The following RASA1 variants were observed in gnomAD, a reference collection of about 807,000 sequenced individuals.
RASA1 encodes the protein ras GTPase-activating protein 1.
RASA1 carries 25 observed loss-of-function variants against 132.2 expected under a neutral mutation model. The ratio of observed to expected loss-of-function variants is 0.19; its 90% CI spans 0.14 to 0.26. The LOEUF (loss-of-function observed/expected upper bound fraction) is 0.26. Among genes scored for constraint, RASA1 ranks in the 10% least tolerant of loss-of-function variants. The probability of loss-of-function intolerance (pLI) is 1.00; values close to 1 mark genes in which losing one functional copy is unlikely to be tolerated. For missense variants in RASA1, 964 were observed against 1,299.2 expected, an observed-to-expected ratio of 0.74 and a Z score of 3.97; for synonymous variants, 477 against 449.9, an observed-to-expected ratio of 1.06 and a Z score of -0.76.
chr5:87,331,230 T>C (rs1482011771), intron 1 of RASA1, 118 bp from the exon 2 acceptor site: 3 of 1,139,318 alleles, frequency 2.6e-6, no homozygotes, highest in Non-Finnish European at 4.0e-6. Context: ...CAGAGTAAAA[T>C]GTAAATGTTT....
chr5:87,352,150 C>T (rs993680655), intron 8 of RASA1, among the ~76,000 whole-genome samples: 2 of 151,372 alleles, frequency 1.3e-5, no homozygotes, highest in African/African-American at 4.8e-5. Context: ...TTCACCACAC[C>T]CCTCTGTGGC....
rs1290944036 is a variant in RASA1, at chr5:87,354,744, C to G, written c.1332+1509C>G. Among the ~76,000 whole-genome samples the G allele has an allele frequency of 2.0e-5, 3 of 152,260 alleles. No homozygotes were observed. In the East Asian group the frequency reaches 5.8e-4, roughly 29 times the overall value. ...AGCCAAAATAGGCTGAAAGCTAGGT[C>G]TCTTGCACCAAACAGCAAAGTTGTG... On this transcript the variant is annotated intron_variant, in intron 9 of 24. Transcript: ENST00000274376.
rs1243923080 is a variant in RASA1 at position 87,298,774 on chromosome 5, G to A, written c.539+29784G>A. On this transcript the variant is annotated intron_variant, in intron 1 of 24. Coordinates refer to ENST00000274376, the MANE Select transcript of RASA1 (RefSeq NM_002890.3). Reference sequence around the variant, plus strand: ...CTGATGTATTTAATCAAAACCTAGAGAATTGAGATAGACATTGTATCAGAA... The same window carrying A: ...CTGATGTATTTAATCAAAACCTAGAAAATTGAGATAGACATTGTATCAGAA... Among the ~76,000 whole-genome samples, 3 of 152,146 alleles carry A rather than the reference G, an allele frequency of 2.0e-5. No individual in the cohort carries two copies. The East Asian group carries it at 5.8e-4, about 29-fold the overall frequency.
intron 1 of RASA1, 130 bp downstream of exon 1, chr5:87,269,120 C>T: frequency 6.2e-7 from 1 of 1,613,580 alleles, no homozygotes; most frequent in Non-Finnish European, 8.5e-7. Context: ...TTTCAGGTTT[C>T]TTGGGTAGGA....
chr5:87,322,500 G>A lies in RASA1; in HGVS notation c.540-8848G>A, dbSNP rs530227444. Among the ~76,000 whole-genome samples the A allele has an allele frequency of 1.6e-3, 244 of 152,232 alleles. 1 individual carries two copies. Among genetic ancestry groups the A allele is most frequent in the Middle Eastern group, 6.8e-3 (2 of 294 alleles). ...ACTAAATCAGTCAGTCCCTGGTGCC[G>A]GAGGTTGGGGACTACTGGTTTAAAG... On this transcript the variant is annotated intron_variant, in intron 1 of 24. Transcript: ENST00000274376.
rs192141756 is a variant in RASA1 at position 87,391,701 on chromosome 5, T to C, written c.*818T>C. 2.2e-3 allele frequency: 502 copies of C among 233,020 alleles called. 3 individuals are homozygous for C. Among genetic ancestry groups the C allele is most frequent in the East Asian group, 0.02 (330 of 16,296 alleles). The allele number at this position is 233,020 out of a possible 1,614,324, so 14.4% of individuals were successfully genotyped here. ...ATTTCTTTTATGTTAACTAGAATGCTTTTGTTAAAAGTTATTTGTTCATTA... is the reference window on the plus strand; with the variant it reads ...ATTTCTTTTATGTTAACTAGAATGCCTTTGTTAAAAGTTATTTGTTCATTA... On this transcript the variant is annotated 3_prime_UTR_variant, in exon 25 of 25. Transcript: ENST00000274376.
intron 5 of RASA1, among the ~76,000 whole-genome samples, chr5:87,340,782 A>G (rs1758374843): frequency 6.6e-6 from 1 of 152,148 alleles, no homozygotes; most frequent in Admixed American, 6.6e-5. Flanking sequence ...TGGAAAGTAC[A>G]TTCTAAGAAC....
chr5:87,367,313 ATCTTTT>A (rs1347113783), intron 11 of RASA1, among the ~76,000 whole-genome samples: 1 of 152,226 alleles, frequency 6.6e-6, no homozygotes, highest in Non-Finnish European at 1.5e-5. Flanking sequence ...GAATGTTAAT[ATCTTTT>A]TCTTTATTAT....
intron 4 of RASA1, among the ~76,000 whole-genome samples, chr5:87,334,977 G>C (rs1025315266): frequency 1.3e-5 from 2 of 152,060 alleles, no homozygotes; most frequent in African/African-American, 4.8e-5. Context: ...TCCACCTCCT[G>C]GGTTCAAGGG....
At chr5:87,301,887 C>T (rs1014040371) in intron 1 of RASA1, among the ~76,000 whole-genome samples, 16 of 152,102 alleles carry the variant, frequency 1.1e-4, no homozygotes, top group South Asian at 2.1e-4. Flanking sequence ...TTTCACTCAT[C>T]TCCATTGCTT....
At position 87,322,473 on chromosome 5, in the gene RASA1, C is replaced by A. The variant is rs79878907; in HGVS notation, c.540-8875C>A. ...CCCTTGTCTGTGGAAAAATTGTCTT[C>A]CACTAAATCAGTCAGTCCCTGGTGC... On this transcript the variant is annotated intron_variant, in intron 1 of 24. Transcript: ENST00000274376. 6.7e-3 allele frequency among the ~76,000 whole-genome samples: 1,019 copies of A among 152,290 alleles called. 10 individuals carry two copies. The highest frequency in any genetic ancestry group is 0.023 in the African/African-American group (953 of 41,554).
chr5:87,384,789 A>G (rs1761953317), intron 21 of RASA1, among the ~76,000 whole-genome samples: 1 of 152,130 alleles, frequency 6.6e-6, no homozygotes, highest in South Asian at 2.1e-4. Context: ...ATATTTTAAA[A>G]GTTTATTAAA....
intron 1 of RASA1, among the ~76,000 whole-genome samples, chr5:87,290,749 C>A (rs56343304): frequency 6.6e-6 from 1 of 152,060 alleles, no homozygotes; most frequent in Admixed American, 6.5e-5. Flanking sequence ...CAGTATGTAG[C>A]CTTTTCACAT....
intron 4 of RASA1, among the ~76,000 whole-genome samples, chr5:87,337,742 T>A (rs553090504): frequency 4.6e-5 from 7 of 152,216 alleles, no homozygotes; most frequent in African/African-American, 1.4e-4. Flanking sequence ...GTGCAGATAC[T>A]ACTATCAAAC....
At chr5:87,352,333 A>C (rs1049690300) in intron 8 of RASA1, among the ~76,000 whole-genome samples, 2 of 151,118 alleles carry the variant, frequency 1.3e-5, no homozygotes, top group Non-Finnish European at 3.0e-5. Context: ...TATTCTAATT[A>C]TATATATATA....
intron 1 of RASA1, among the ~76,000 whole-genome samples, chr5:87,286,135 G>A (rs1414190486): frequency 6.6e-6 from 1 of 152,066 alleles, no homozygotes; most frequent in Non-Finnish European, 1.5e-5. Flanking sequence ...CCGAGTAGCT[G>A]GGATTACAGG....
intron 1 of RASA1, among the ~76,000 whole-genome samples, chr5:87,313,067 A>G (rs1756040136): frequency 6.6e-6 from 1 of 152,184 alleles, no homozygotes; most frequent in Non-Finnish European, 1.5e-5. Context: ...CGTCTTACAA[A>G]TCATCTTTGA....
intron 1 of RASA1, among the ~76,000 whole-genome samples, chr5:87,326,050 C>A (rs1757209472): frequency 6.6e-6 from 1 of 152,008 alleles, no homozygotes; most frequent in Non-Finnish European, 1.5e-5. Flanking sequence ...TGTCTCACTT[C>A]AGGCTTGACT....
chr5:87,362,743 A>G, intron 10 of RASA1, 72 bp downstream of exon 10: 1 of 1,502,646 alleles, frequency 6.7e-7, no homozygotes, highest in Non-Finnish European at 9.2e-7. Flanking sequence ...ACTTATTGTG[A>G]TATATATTTA....
Sources: allele counts gnomAD v4.1 joint callset (sites outside exome capture counted in the v4.1 genomes callset), GRCh38; gene constraint gnomAD v4.1.1; transcripts MANE v1.5; gene names NCBI Gene and HGNC (gene_info 2026-07-23, HGNC 2026-07-21).